Variants in GRB10 observed in about 807,000 individuals in gnomAD.
GRB10 encodes growth factor receptor bound protein 10.
Under a neutral mutation model 80.9 loss-of-function variants are expected in GRB10, and 20 were observed. That is an observed-to-expected ratio of 0.25 (90% CI 0.17 to 0.36). The LOEUF (loss-of-function observed/expected upper bound fraction) is 0.36. Ranked by LOEUF, GRB10 falls within the 10% of genes least tolerant of loss-of-function variation. GRB10 has a pLI of 1.00. For synonymous variants in GRB10, 291 were observed against 291.5 expected (o/e 1.00, Z 0.02); for missense variants, 548 against 747.7 (o/e 0.73, Z 3.12).
chr7:50,658,288 C>T (rs1448833301), intron 7 of GRB10, among the ~76,000 whole-genome samples: 2 of 152,222 alleles, frequency 1.3e-5, no homozygotes, highest in African/African-American at 2.4e-5. Context: ...GCTGTTTGCT[C>T]GCAGTCATTT....
chr7:50,674,661 G>A lies in GRB10; in HGVS notation c.140-3C>T. The A allele has an allele frequency of 1.2e-6, 2 of 1,612,912 alleles. No homozygotes were observed. The highest frequency in any genetic ancestry group is 1.7e-6 in the Non-Finnish European group (2 of 1,179,442). ...GGCTTCCAGGTCCACATCATCCTCT[G>A]CACAGAAAAAGGCAAGAGCAAAAAA... On this transcript the variant is annotated splice_region_variant and splice_polypyrimidine_tract_variant and intron_variant, in intron 5 of 18. Transcript: ENST00000401949.
At chr7:50,714,612 G>A (rs900223139) in intron 4 of GRB10, among the ~76,000 whole-genome samples, 4 of 151,654 alleles carry the variant, frequency 2.6e-5, no homozygotes, top group South Asian at 2.1e-4. Flanking sequence ...GCAGTGAGCC[G>A]AGATTGCACC....
intron 7 of GRB10, among the ~76,000 whole-genome samples, chr7:50,649,221 A>C (rs941436257): frequency 3.9e-5 from 6 of 152,176 alleles, no homozygotes; most frequent in South Asian, 2.1e-4. Flanking sequence ...GAGAACAAAC[A>C]AAATAATCTC....
intron 6 of GRB10, among the ~76,000 whole-genome samples, chr7:50,673,646 C>T (rs371048403): frequency 1.3e-5 from 2 of 152,102 alleles, no homozygotes; most frequent in African/African-American, 2.4e-5. Context: ...ACTTCCAAAC[C>T]GGCCATGCTC....
intron 9 of GRB10, 60 bp from the exon 10 acceptor site, chr7:50,618,199 G>GTCA: frequency 8.1e-7 from 1 of 1,237,838 alleles, no homozygotes; most frequent in Non-Finnish European, 1.2e-6. Flanking sequence ...GGGAAGGTAT[G>GTCA]TCATATAGAT....
upstream of GRB10, among the ~76,000 whole-genome samples, chr7:50,785,460 C>T (rs910705956): frequency 6.6e-6 from 1 of 152,264 alleles, no homozygotes; most frequent in Non-Finnish European, 1.5e-5. Context: ...AGAGCCTGTA[C>T]ACCCAGCACC....
intron 4 of GRB10, chr7:50,705,083 C>A: frequency 1.1e-6 from 1 of 924,232 alleles, no homozygotes; most frequent in Middle Eastern, 5.5e-4. Context: ...CCAGAGCCCT[C>A]CTTGCTCACG....
chr7:50,652,226 T>C lies in GRB10; in HGVS notation c.504+17496A>G, dbSNP rs187265862. On this transcript the variant is annotated intron_variant, in intron 7 of 18. Coordinates refer to ENST00000401949, the MANE Select transcript of GRB10 (RefSeq NM_001350814.2). ...AAAGTAAGTGGAATACCATCTATAA[T>C]AAAAGAATATGAGAGCACACACTGC... Among the ~76,000 whole-genome samples the C allele has an allele frequency of 2.9e-3, 437 of 152,268 alleles. 1 individual carries two copies. Among genetic ancestry groups the C allele is most frequent in the Non-Finnish European group, 2.8e-3 (192 of 68,026 alleles).
At chr7:50,706,917 CCT>C (rs1156302065) in intron 4 of GRB10, among the ~76,000 whole-genome samples, 1 of 152,218 alleles carries the variant, frequency 6.6e-6, no homozygotes, top group African/African-American at 2.4e-5. Context: ...GCCTCCCAAC[CCT>C]CTGTTACTGA....
intron 4 of GRB10, among the ~76,000 whole-genome samples, chr7:50,725,022 C>A (rs1022538220): frequency 6.6e-6 from 1 of 152,190 alleles, no homozygotes; most frequent in African/African-American, 2.4e-5. Context: ...ACACTCCCGG[C>A]AAGGTAGCTG....
intron 5 of GRB10, among the ~76,000 whole-genome samples, chr7:50,697,961 AAAG>A (rs1209348671): frequency 1.3e-5 from 2 of 152,314 alleles, no homozygotes; most frequent in East Asian, 3.9e-4. Context: ...GACCCACTTA[AAAG>A]AAGGATCTGT....
At chr7:50,705,901 G>A (rs1444334311) in intron 4 of GRB10, among the ~76,000 whole-genome samples, 1 of 152,246 alleles carries the variant, frequency 6.6e-6, no homozygotes, top group Non-Finnish European at 1.5e-5. Context: ...AGGCGCTGAG[G>A]AGGGAGCTGT....
At chr7:50,612,638 G>A (rs1201661689) in intron 13 of GRB10, 103 bp downstream of exon 13, 8 of 764,330 alleles carry the variant, frequency 1.0e-5, no homozygotes, top group East Asian at 2.6e-5. Context: ...ACAGAACAGC[G>A]GAAAAGTTAC....
upstream of GRB10, among the ~76,000 whole-genome samples, chr7:50,785,982 G>A (rs1011450588): frequency 6.6e-6 from 1 of 152,216 alleles, no homozygotes; most frequent in Non-Finnish European, 1.5e-5. Flanking sequence ...CCAGTAGTGG[G>A]AGAGGCTGTG....
intron 4 of GRB10, among the ~76,000 whole-genome samples, chr7:50,721,516 A>C (rs971043381): frequency 1.3e-5 from 2 of 152,246 alleles, no homozygotes; most frequent in Non-Finnish European, 2.9e-5. Context: ...GAGTATGCCA[A>C]AGAGAAGCAA....
At chr7:50,771,445 A>G (rs559009569) in intron 2 of GRB10, among the ~76,000 whole-genome samples, 25 of 152,322 alleles carry the variant, frequency 1.6e-4, no homozygotes, top group African/African-American at 5.5e-4. Context: ...CCTCCTGCAT[A>G]AGCCACACGA....
chr7:50,608,964 C>CA (rs60832218), intron 13 of GRB10, among the ~76,000 whole-genome samples: 3,014 of 100,290 alleles, frequency 0.03, 72 homozygotes, highest in African/African-American at 0.062. Flanking sequence ...GACCCTGACT[C>CA]AAAAAAAAAA....
chr7:50,695,928 T>C (rs2063365880), intron 5 of GRB10, among the ~76,000 whole-genome samples: 1 of 152,180 alleles, frequency 6.6e-6, no homozygotes, highest in Non-Finnish European at 1.5e-5. Context: ...AAACATATAT[T>C]GTGCTCTTAT....
chr7:50,665,294 C>T (rs1420783505), intron 7 of GRB10, among the ~76,000 whole-genome samples: 3 of 152,344 alleles, frequency 2.0e-5, no homozygotes, highest in Admixed American at 2.0e-4. Context: ...CAGGTAAACG[C>T]AAGACCAATA....
Sources: gnomAD v4.1 joint callset for allele counts (sites outside exome capture counted in the v4.1 genomes callset) on GRCh38, gnomAD v4.1.1 for gene constraint, MANE v1.5 for transcripts, NCBI Gene and HGNC (gene_info 2026-07-23, HGNC 2026-07-21) for gene names.